PLCE1: variants seen among roughly 807,000 people sequenced by gnomAD.
The protein encoded by PLCE1 is phospholipase C epsilon 1, also known as 1-phosphatidylinositol 4,5-bisphosphate phosphodiesterase epsilon-1.
Under a neutral mutation model 242.8 loss-of-function variants are expected in PLCE1, and 119 were observed. The ratio of observed to expected loss-of-function variants is 0.49; its 90% confidence interval spans 0.42 to 0.57. PLCE1 has a LOEUF of 0.57. Ranked by LOEUF, PLCE1 falls within the 20% of genes least tolerant of loss-of-function variation. The pLI is 0.00. For synonymous variants in PLCE1, 945 were observed against 1,017.4 expected (o/e 0.93, Z 1.35); for missense variants, 2,441 against 2,788.8 (o/e 0.88, Z 2.81).
chr10:94,149,209 C>A (rs1283725794), intron 3 of PLCE1, among the ~76,000 whole-genome samples: 1 of 152,192 alleles, frequency 6.6e-6, no homozygotes, highest in Non-Finnish European at 1.5e-5. Flanking sequence ...TCAGTCAGTG[C>A]ATTTGAGTGC....
chr10:94,019,210 T>A (rs1328578155), intron 1 of PLCE1, among the ~76,000 whole-genome samples: 1 of 152,212 alleles, frequency 6.6e-6, no homozygotes, highest in Admixed American at 6.5e-5. Context: ...AACACTGCTA[T>A]GCCAGTGCTA....
chr10:94,018,332 C>G (rs1430586219), intron 1 of PLCE1, among the ~76,000 whole-genome samples: 1 of 152,148 alleles, frequency 6.6e-6, no homozygotes, highest in Non-Finnish European at 1.5e-5. Flanking sequence ...CTACTTTGAC[C>G]TGCTATGAGA....
intron 4 of PLCE1, among the ~76,000 whole-genome samples, chr10:94,187,542 G>A (rs780493033): frequency 4.6e-5 from 7 of 152,110 alleles, no homozygotes; most frequent in Non-Finnish European, 7.3e-5. Flanking sequence ...ACCCATTACA[G>A]AGTGTGCTTT....
chr10:94,080,187 T>C (rs892340850), intron 2 of PLCE1, among the ~76,000 whole-genome samples: 1 of 152,134 alleles, frequency 6.6e-6, no homozygotes, highest in African/African-American at 2.4e-5. Flanking sequence ...AAATGCCCAT[T>C]CTCACAGCAC....
In PLCE1 at chr10:94,132,075, CCTT is replaced by C. The variant is rs1451483037; in HGVS notation, c.1207-95_1207-93del. On this transcript the variant is annotated intron_variant, in intron 2 of 32. Transcript: ENST00000371380. ...AGTGTTTGCACTTGGAGCATCTGAG[CCTT>C]CTTTCTTAATAAGTCATCTTGGCAT... is the stretch of plus-strand genomic sequence containing the variant. The C allele has an allele frequency of 5.2e-6, 6 of 1,153,478 alleles. No homozygotes were observed. In the African/African-American group the frequency reaches 7.6e-5, roughly 15 times the overall value. The allele number at this position is 1,153,478 out of a possible 1,614,324, so 71.5% of individuals were successfully genotyped here. A position where few individuals can be genotyped will look rare whatever the true frequency, so the allele number is the denominator to read the frequency against.
chr10:94,180,705 G>A (rs941731433), intron 4 of PLCE1, among the ~76,000 whole-genome samples: 1 of 152,228 alleles, frequency 6.6e-6, no homozygotes, highest in Non-Finnish European at 1.5e-5. Context: ...GTGGGATTAA[G>A]AGTTGGGACC....
chr10:94,316,461 C>T lies in PLCE1; in HGVS notation c.6133-86C>T, dbSNP rs527316767. 2.2e-5 allele frequency: 18 copies of T among 825,566 alleles called. No individual in the cohort carries two copies. In the African/African-American group the frequency reaches 2.7e-4, roughly 12 times the overall value. The allele number at this position is 825,566 out of a possible 1,614,324, so 51.1% of individuals were successfully genotyped here. A position where few individuals can be genotyped will look rare whatever the true frequency, so the allele number is the denominator to read the frequency against. ...TAGAGTAAATTTCACTTATAAATTG[C>T]ATAGCAAACCTATCTGAACACCATG... On this transcript the variant is annotated intron_variant, in intron 28 of 32. Coordinates refer to ENST00000371380, the MANE Select transcript of PLCE1 (RefSeq NM_016341.4).
chr10:94,119,945 C>A (rs112167011), intron 2 of PLCE1, among the ~76,000 whole-genome samples: 13 of 152,262 alleles, frequency 8.5e-5, no homozygotes, highest in African/African-American at 2.9e-4. Context: ...AATTAAAGTG[C>A]GGCTACTTTG....
At position 94,032,036 on chromosome 10, in the gene PLCE1, T is replaced by C. The variant is rs758198281; in HGVS notation, c.990T>C (p.Cys330=). The C allele has an allele frequency of 1.7e-5, 27 of 1,613,386 alleles. No homozygotes were observed. In the African/African-American group the frequency reaches 2.0e-4, roughly 12 times the overall value. The change falls in exon 2 of 33, where the codon TGT becomes TGC. Residue 330 remains cysteine, a synonymous_variant. Transcript: ENST00000371380. ...CCACTTTGTTAGTCAGGAGATTCTG[T>C]AAAAATGACAGAGAAGTTAAGAAAT... ...ERSTLLVRRF[C]KNDREVKKSV...
chr10:94,323,284 C>T (rs56790972), intron 30 of PLCE1, among the ~76,000 whole-genome samples: 2,547 of 152,250 alleles, frequency 0.017, 94 homozygotes, highest in African/African-American at 0.059. Flanking sequence ...TCATCAAACA[C>T]CTATTTGAGA....
At position 94,329,337 on chromosome 10, in the gene PLCE1, T is replaced by C. The variant is rs2054128808; in HGVS notation, c.*1394T>C. On this transcript the variant is annotated 3_prime_UTR_variant, in exon 33 of 33. Coordinates refer to ENST00000371380, the MANE Select transcript of PLCE1 (RefSeq NM_016341.4). ...TAAAACCCAAACTTTTATCTTTCCA[T>C]TGGTATCTTTGAATTTTAAGACACT... 6.6e-6 allele frequency: 1 copy of C among 152,330 alleles called. No individual in the cohort carries two copies. Among genetic ancestry groups the C allele is most frequent in the South Asian group, 2.1e-4 (1 of 4,832 alleles). 9.4% of individuals were successfully genotyped at this position (152,330 alleles called of 1,614,324 possible).
intron 5 of PLCE1, among the ~76,000 whole-genome samples, chr10:94,232,886 G>T (rs1447500271): frequency 6.6e-6 from 1 of 152,076 alleles, no homozygotes; most frequent in Non-Finnish European, 1.5e-5. Context: ...AAATCTTTAG[G>T]CAAGAGTCAT....
At chr10:94,063,655 A>G (rs2044122071) in intron 2 of PLCE1, among the ~76,000 whole-genome samples, 1 of 152,202 alleles carries the variant, frequency 6.6e-6, no homozygotes, top group South Asian at 2.1e-4. Context: ...GGCAAACACG[A>G]TGTGGTTCTT....
chr10:94,258,828 C>G lies in PLCE1; in HGVS notation c.3583C>G (p.Arg1195Gly). The G allele has an allele frequency of 6.2e-7, 1 of 1,613,974 alleles. No individual in the cohort carries two copies. The highest frequency in any genetic ancestry group is 8.5e-7 in the Non-Finnish European group (1 of 1,179,948). Residue 1195 changes from arginine (R) to glycine (G), a missense_variant, in exon 12 of 33, where the codon CGG (arginine) becomes GGG (glycine). Transcript: ENST00000371380. ...SAWSSSSWHG[R>G]IKGGMKGFQS... ...TTGGAGCAGTAGTAGCTGGCACGGG[C>G]GGATCAAAGGCGGCATGAAGGGATT...
intron 7 of PLCE1, among the ~76,000 whole-genome samples, chr10:94,239,421 G>C (rs911604483): frequency 3.9e-5 from 6 of 152,188 alleles, no homozygotes; most frequent in Non-Finnish European, 8.8e-5. Context: ...ATGCAGCAAG[G>C]CTTCACCTTC....
intron 4 of PLCE1, among the ~76,000 whole-genome samples, chr10:94,192,982 C>A (rs570250200): frequency 6.6e-6 from 1 of 152,316 alleles, no homozygotes; most frequent in African/African-American, 2.4e-5. Context: ...TCCATAAATA[C>A]AATTTTATTA....
chr10:94,040,358 G>T (rs537999564), intron 2 of PLCE1, among the ~76,000 whole-genome samples: 1 of 151,928 alleles, frequency 6.6e-6, no homozygotes, highest in African/African-American at 2.4e-5. Flanking sequence ...CCTAAATGTT[G>T]TTATCTAAAT....
At chr10:94,005,220 G>T (rs2061010111) in intron 1 of PLCE1, among the ~76,000 whole-genome samples, 1 of 152,206 alleles carries the variant, frequency 6.6e-6, no homozygotes, top group South Asian at 2.1e-4. Context: ...GACAGCAAAT[G>T]CTCACCTTGT....
Position 94,166,922 on chromosome 10 carries a change from C to T in PLCE1, c.1493-4258C>T, listed in dbSNP as rs181008157. Among the ~76,000 whole-genome samples the T allele has an allele frequency of 5.3e-5, 8 of 152,234 alleles. No homozygotes were observed. In the East Asian group the frequency reaches 5.8e-4, roughly 11 times the overall value. On this transcript the variant is annotated intron_variant, in intron 3 of 32. Coordinates refer to ENST00000371380, the MANE Select transcript of PLCE1 (RefSeq NM_016341.4). ...AGAAAGGGTGATTATGACCAAGCTA[C>T]GGGCACCTTGGAGGGTAAAGTTTTG...
Sources: allele counts gnomAD v4.1 joint callset (sites outside exome capture counted in the v4.1 genomes callset), GRCh38; gene constraint gnomAD v4.1.1; transcripts MANE v1.5; gene names NCBI Gene and HGNC (gene_info 2026-07-23, HGNC 2026-07-21).